RNF213: variants seen among roughly 807,000 people sequenced by gnomAD.
The protein encoded by RNF213 is ring finger protein 213.
RNF213 carries 341 observed loss-of-function variants against 514.4 expected under a neutral mutation model. The observed-to-expected ratio is 0.66, with a 90% CI of 0.61 to 0.73. The LOEUF (loss-of-function observed/expected upper bound fraction) is 0.73, where lower values mean the gene tolerates loss of function less well. Among genes scored for constraint, RNF213 ranks in the 30% least tolerant of loss-of-function variants. The pLI is 0.00. For synonymous variants in RNF213, 2,655 were observed against 2,658.2 expected (o/e 1.00, Z 0.04); for missense variants, 5,767 against 6,615.6 (o/e 0.87, Z 4.45).
At chr17:80,380,753 A>T (rs2079961987) in intron 55 of RNF213, 78 bp from the exon 56 acceptor site, 1 of 1,533,742 alleles carries the variant, frequency 6.5e-7, no homozygotes, top group Non-Finnish European at 9.0e-7. Flanking sequence ...CGTAAGCCTC[A>T]CTCCAAGTGC....
Position 80,377,113 on chromosome 17 carries a change from A to G in RNF213, c.13510+150A>G. 1 of 679,992 alleles carries G rather than the reference A, an allele frequency of 1.5e-6. No homozygotes were observed. Among genetic ancestry groups the G allele is most frequent in the Non-Finnish European group, 2.7e-6 (1 of 373,986 alleles). The allele number at this position is 679,992 out of a possible 1,614,324, so 42.1% of individuals were successfully genotyped here. On this transcript the variant is annotated intron_variant, in intron 53 of 67. Coordinates refer to ENST00000582970, the MANE Select transcript of RNF213 (RefSeq NM_001256071.3). The surrounding 1 kb of genome is among the most constrained non-coding windows in gnomAD (Gnocchi z 4.1). ...ATTCTACCGGTGGCGTCTGCAGAAGACGAATGGCTTGAAGGAGCTGGCACT... is the reference window on the plus strand; with the variant it reads ...ATTCTACCGGTGGCGTCTGCAGAAGGCGAATGGCTTGAAGGAGCTGGCACT...
intron 42 of RNF213, 108 bp downstream of exon 42, chr17:80,364,661 C>T (rs556682148): frequency 8.0e-5 from 112 of 1,391,472 alleles, no homozygotes; most frequent in Middle Eastern, 7.1e-4. Flanking sequence ...TGGCTCTGAC[C>T]GTTTTGTCTA....
At position 80,354,430 on chromosome 17, in the gene RNF213, C is replaced by T. The variant is rs776406778; in HGVS notation, c.10727-11C>T. 194 of 1,614,098 alleles carry T rather than the reference C, an allele frequency of 1.2e-4. No individual in the cohort carries two copies. The highest frequency in any genetic ancestry group is 1.6e-4 in the Non-Finnish European group (186 of 1,180,052). On this transcript the variant is annotated splice_polypyrimidine_tract_variant and intron_variant, in intron 35 of 67. Coordinates refer to ENST00000582970, the MANE Select transcript of RNF213 (RefSeq NM_001256071.3). ...CGGCCATGCTGAACGTCTGTTTCTG[C>T]CTTTGTACAGCCTCTTTCTTGCGGG...
Position 80,375,793 on chromosome 17 carries a change from T to C in RNF213, c.13108T>C (p.Tyr4370His). The C allele has an allele frequency of 6.2e-7, 1 of 1,614,168 alleles. No homozygotes were observed. Among genetic ancestry groups the C allele is most frequent in the Non-Finnish European group, 8.5e-7 (1 of 1,179,992 alleles). ...GACCCCCCAAAGCCAGCAGTCAGCC[T>C]ACTTCCTGTTAACACTGTTTAGAGA... The part of the protein sequence containing the change: ...CKTPQSQQSA[Y>H]FLLTLFREVA... The change falls in exon 51 of 68, where the codon TAC becomes CAC. Residue 4370 changes from tyrosine to histidine, a missense_variant. Physicochemically the swap from Tyr to His is moderately conservative, Grantham distance 83. Around this residue, in one of 13 missense-constraint regions of RNF213, gnomAD observed 1,245 missense variants for 1,339.0 expected, o/e 0.93. Transcript: ENST00000582970.
intron 49 of RNF213, among the ~76,000 whole-genome samples, chr17:80,373,951 C>G (rs553748092): frequency 7.0e-6 from 1 of 142,528 alleles, no homozygotes; most frequent in African/African-American, 2.7e-5. Context: ...TGCAGTGAGC[C>G]GAGATTGCAC....
At position 80,305,453 on chromosome 17, in the gene RNF213, C is replaced by A. The variant is rs201050439; in HGVS notation, c.2211-799C>A. Among the ~76,000 whole-genome samples the A allele has an allele frequency of 2.6e-5, 4 of 151,578 alleles. No individual in the cohort carries two copies. In the East Asian group the frequency reaches 5.9e-4, roughly 22 times the overall value. On this transcript the variant is annotated intron_variant, in intron 11 of 67. Coordinates refer to ENST00000582970, the MANE Select transcript of RNF213 (RefSeq NM_001256071.3). ...TCGGCCTCCCAAAGTGCTGGGATTA[C>A]AGACGTGAGCCACTGCGCCCGGCCT...
At chr17:80,388,480 C>T in intron 63 of RNF213, 132 bp from the exon 64 acceptor site, 1 of 745,558 alleles carries the variant, frequency 1.3e-6, no homozygotes, top group East Asian at 2.5e-5. Context: ...GAGAGGGGCG[C>T]TCTTAGCCAA....
intron 15 of RNF213, among the ~76,000 whole-genome samples, chr17:80,313,792 A>T (rs1196576509): frequency 3.5e-4 from 45 of 128,286 alleles, no homozygotes; most frequent in Non-Finnish European, 5.3e-4. Flanking sequence ...GTGGTGGTGA[A>T]GGTGATGGTG....
Position 80,334,269 on chromosome 17 carries a change from A to G in RNF213, c.4308A>G (p.Gly1436=). The change falls in exon 22 of 68, where the codon GGA becomes GGG. Residue 1436 remains glycine, a splice_region_variant and synonymous_variant. Transcript: ENST00000582970. The stretch of plus-strand genomic sequence containing the variant: ...TCTGCTGGGTCCGGGAGGCTCTTGG[A>G]GGTAAAATCAGCCTTTGGGGTTGCG... ...EFICWVREAL[G]GINELKVFVD... 1.3e-6 allele frequency: 2 copies of G among 1,532,374 alleles called. No individual in the cohort carries two copies. Among genetic ancestry groups the G allele is most frequent in the Non-Finnish European group, 1.7e-6 (2 of 1,144,144 alleles). 94.9% of individuals were successfully genotyped at this position (1,532,374 alleles called of 1,614,324 possible). A position where few individuals can be genotyped will look rare whatever the true frequency, so the allele number is the denominator to read the frequency against.
chr17:80,317,372 C>A lies in RNF213; in HGVS notation c.2901+95C>A. On this transcript the variant is annotated intron_variant, in intron 16 of 67. Coordinates refer to ENST00000582970, the MANE Select transcript of RNF213 (RefSeq NM_001256071.3). This position sits in a 1 kb window ranked among gnomAD's most constrained non-coding sequence, Gnocchi z 4.1. ...CAGCCAAGAGATCTCAGCAGTGCCT[C>A]TCTGTGGGCAGGGATGGGGTGAATC... 9.2e-7 allele frequency: 1 copy of A among 1,091,416 alleles called. No homozygotes were observed. The highest frequency in any genetic ancestry group is 1.4e-6 in the Non-Finnish European group (1 of 721,614). 67.6% of individuals were successfully genotyped at this position (1,091,416 alleles called of 1,614,324 possible).
rs2080250891 is a variant in RNF213 at position 80,386,710 on chromosome 17, A to C, written c.14741A>C (p.Glu4914Ala). 1.7e-5 allele frequency: 27 copies of C among 1,614,188 alleles called. No individual in the cohort carries two copies. Among genetic ancestry groups the C allele is most frequent in the Non-Finnish European group, 2.3e-5 (27 of 1,180,026 alleles). ...CTCAGCTATTCCGTGGATGCCGCCG[A>C]GGTCACTGAACTGCATGTCATCAGT... is the stretch of plus-strand genomic sequence containing the variant. ...ENNSYSVDAA[E>A]VTELHVISYE... The change falls in exon 63 of 68, where the codon GAG becomes GCG. Residue 4914 changes from glutamate to alanine, a missense_variant. Physicochemically the swap from Glu to Ala is moderately radical, Grantham distance 107. Coordinates refer to ENST00000582970, the MANE Select transcript of RNF213 (RefSeq NM_001256071.3).
Position 80,263,661 on chromosome 17 carries a change from A to G in RNF213, c.-21A>G. 1 of 1,600,628 alleles carries G rather than the reference A, an allele frequency of 6.2e-7. No individual in the cohort carries two copies. Among genetic ancestry groups the G allele is most frequent in the Non-Finnish European group, 8.6e-7 (1 of 1,167,642 alleles). ...CTCCTGCTCTTGCTTCTGGATCTGC[A>G]GGGCAGTCCCAGCAGGACCCATGGA... On this transcript the variant is annotated 5_prime_UTR_variant, in exon 2 of 68. Coordinates refer to ENST00000582970, the MANE Select transcript of RNF213 (RefSeq NM_001256071.3). The surrounding 1 kb of genome is among the most constrained non-coding windows in gnomAD (Gnocchi z 4.9).
At chr17:80,306,647 C>G (rs535795767) in intron 12 of RNF213, among the ~76,000 whole-genome samples, 179 bp downstream of exon 12, 1 of 152,044 alleles carries the variant, frequency 6.6e-6, no homozygotes. Context: ...GTCAGGAGAT[C>G]GAGACCATCC....
chr17:80,294,347 A>T (rs1017053805), intron 8 of RNF213, among the ~76,000 whole-genome samples: 1 of 151,976 alleles, frequency 6.6e-6, no homozygotes, highest in Non-Finnish European at 1.5e-5. Context: ...TAGTGGGGGG[A>T]TGCGGTTTCT....
chr17:80,369,896 G>A (rs536149402), intron 46 of RNF213, 29 bp downstream of exon 46: 1 of 1,474,884 alleles, frequency 6.8e-7, no homozygotes, highest in South Asian at 1.1e-5. Context: ...CTTGCTTCTG[G>A]AAAGCCCTGG....
intron 18 of RNF213, among the ~76,000 whole-genome samples, chr17:80,325,891 C>CACAAGTAA (rs2046267467): frequency 6.6e-6 from 1 of 152,016 alleles, no homozygotes; most frequent in African/African-American, 2.4e-5. Flanking sequence ...TATGGGAGTG[C>CACAAGTAA]ACAAGTAAAA....
At chr17:80,378,322 G>A (rs1016734373) in intron 54 of RNF213, among the ~76,000 whole-genome samples, 4 of 152,188 alleles carry the variant, frequency 2.6e-5, no homozygotes, top group South Asian at 2.1e-4. Context: ...TAGGCTGTGC[G>A]CCATGGGGGA....
intron 2 of RNF213, among the ~76,000 whole-genome samples, chr17:80,270,500 AT>A (rs2043786977): frequency 6.6e-6 from 1 of 152,150 alleles, no homozygotes; most frequent in South Asian, 2.1e-4. Context: ...CTAGATTTCT[AT>A]TCAGATTCTC....
At chr17:80,280,702 G>C (rs1568005058) in intron 3 of RNF213, among the ~76,000 whole-genome samples, 1 of 152,036 alleles carries the variant, frequency 6.6e-6, no homozygotes. Context: ...CAATTCTCCC[G>C]CCCCAGCCTC....
Sources: allele counts gnomAD v4.1 joint callset (sites outside exome capture counted in the v4.1 genomes callset), GRCh38; gene constraint gnomAD v4.1.1; regional missense constraint gnomAD v4.1.1; non-coding constraint Gnocchi (gnomAD v3.1); transcripts MANE v1.5; gene names NCBI Gene and HGNC (gene_info 2026-07-23, HGNC 2026-07-21).